The following FRMPD4 variants were observed in gnomAD, a reference collection of about 807,000 sequenced individuals.
FRMPD4 encodes the protein FERM and PDZ domain-containing protein 4.
FRMPD4 carries 22 observed loss-of-function variants against 94.1 expected under a neutral mutation model. The ratio of observed to expected loss-of-function variants is 0.23; its 90% CI spans 0.17 to 0.33. The LOEUF (loss-of-function observed/expected upper bound fraction) is 0.33. Among genes scored for constraint, FRMPD4 ranks in the 10% least tolerant of loss-of-function variants. The pLI, the probability that FRMPD4 is intolerant of heterozygous loss-of-function variation, is 1.00. For synonymous variants in FRMPD4, 631 were observed against 548.6 expected, an observed-to-expected ratio of 1.15 and a Z score of -2.10; for missense variants, 1,111 against 1,339.9, an observed-to-expected ratio of 0.83 and a Z score of 2.67.
chrX:12,445,219 T>A lies in FRMPD4; in HGVS notation c.42-53461T>A, dbSNP rs755104953. Reference sequence around the variant, plus strand: ...TCAACAGCATCACCTGGGAATTTGATAGAAATGAAAAACTGTAGGTCCCTC... The same window carrying A: ...TCAACAGCATCACCTGGGAATTTGAAAGAAATGAAAAACTGTAGGTCCCTC... On this transcript the variant is annotated intron_variant, in intron 1 of 16. Transcript: ENST00000675598. Among the ~76,000 whole-genome samples the A allele has an allele frequency of 1.7e-4, 19 of 112,115 alleles. No individual in the cohort carries two copies. The East Asian group carries it at 5.3e-3, about 31-fold the overall frequency.
At chrX:12,359,472 C>CTTT (rs34380413) in intron 1 of FRMPD4, among the ~76,000 whole-genome samples, 1 of 98,035 alleles carries the variant, frequency 1.0e-5, no homozygotes, top group African/African-American at 3.7e-5. Context: ...TTTCTTTTTT[C>CTTT]TTTTTTTTTT....
rs990305516 is a variant in FRMPD4, at chrX:11,908,497, T to C, written c.95+30479T>C. Among the ~76,000 whole-genome samples, 8 of 112,183 alleles carry C rather than the reference T, an allele frequency of 7.1e-5. No homozygotes were observed. The Admixed American group carries it at 7.5e-4, about 11-fold the overall frequency. On this transcript the variant is annotated intron_variant, in intron 3 of 18. Coordinates refer to the FRMPD4 transcript ENST00000640291. Reference sequence around the variant, plus strand: ...TCATCCCTTTTGTTTCCTACCAAATTTGCTAATTTGACTGGCGACACTTGT... The same window carrying C: ...TCATCCCTTTTGTTTCCTACCAAATCTGCTAATTTGACTGGCGACACTTGT...
chrX:12,006,005 A>T (rs982088842), intron 3 of FRMPD4, among the ~76,000 whole-genome samples: 1 of 93,486 alleles, frequency 1.1e-5, no homozygotes, highest in African/African-American at 3.7e-5. Context: ...TTCAGGCTTT[A>T]AAAAAAAAAT....
At position 12,721,883 on chromosome X, in the gene FRMPD4, C is replaced by T; in HGVS notation, c.*25C>T. The T allele has an allele frequency of 1.4e-6, 1 of 724,592 alleles. No homozygotes were observed. The allele number at this position is 724,592 out of a possible 1,213,427, so 59.7% of individuals were successfully genotyped here. On this transcript the variant is annotated 3_prime_UTR_variant, in exon 17 of 17. Coordinates refer to ENST00000675598, the MANE Select transcript of FRMPD4 (RefSeq NM_001368397.1). ...AATATGGAAGTCACGTCATAATCTA[C>T]CTTTGCAAAGCCATACATGAACTTT... is the stretch of plus-strand genomic sequence containing the variant.
chrX:12,707,118 C>T (rs935910524), intron 12 of FRMPD4, among the ~76,000 whole-genome samples: 1 of 110,503 alleles, frequency 9.0e-6, no homozygotes, highest in South Asian at 3.9e-4. Context: ...ATGTGAAGAA[C>T]CGAGAGAATC....
At chrX:12,498,658 C>CA in intron 1 of FRMPD4, 22 bp from the exon 2 acceptor site, 1 of 726,019 alleles carries the variant, frequency 1.4e-6, no homozygotes, top group East Asian at 3.8e-5. Context: ...TGTAATGATG[C>CA]TTTTTTTTTT....
At chrX:12,011,898 C>T (rs761786771) in intron 3 of FRMPD4, among the ~76,000 whole-genome samples, 16 of 106,193 alleles carry the variant, frequency 1.5e-4, no homozygotes, top group Non-Finnish European at 2.7e-4. Flanking sequence ...TCTTTCTTTA[C>T]GATCTGAATT....
chrX:11,825,134 C>CA (rs2147269013), intron 1 of FRMPD4, among the ~76,000 whole-genome samples: 1 of 105,903 alleles, frequency 9.4e-6, no homozygotes, highest in African/African-American at 3.5e-5. Flanking sequence ...TGAGGAAAAG[C>CA]AAAAGTACTT....
chrX:12,199,399 G>C (rs2897763), intron 1 of FRMPD4, among the ~76,000 whole-genome samples: 11,488 of 109,704 alleles, frequency 0.1, 526 homozygotes, highest in South Asian at 0.29. Context: ...CTTACAAAAG[G>C]CCTGAATAAA....
intron 1 of FRMPD4, among the ~76,000 whole-genome samples, chrX:12,254,261 T>A (rs976338656): frequency 8.9e-6 from 1 of 112,219 alleles, no homozygotes; most frequent in Admixed American, 9.4e-5. Context: ...GTGGATGTTG[T>A]TTCCTTTTAG....
intron 3 of FRMPD4, among the ~76,000 whole-genome samples, chrX:12,040,857 A>G (rs957126759): frequency 9.0e-6 from 1 of 110,514 alleles, no homozygotes; most frequent in African/African-American, 3.3e-5. Context: ...TGCTTTCTGC[A>G]TCTCTTTTTG....
intron 1 of FRMPD4, among the ~76,000 whole-genome samples, chrX:12,424,302 G>A: frequency 8.9e-6 from 1 of 112,594 alleles, no homozygotes; most frequent in Non-Finnish European, 1.9e-5. Flanking sequence ...CTTAGTCACT[G>A]TAATTCTAGT....
intron 1 of FRMPD4, among the ~76,000 whole-genome samples, chrX:12,470,375 CGACT>C (rs1010825247): frequency 1.8e-5 from 2 of 111,839 alleles, no homozygotes; most frequent in African/African-American, 6.5e-5. Context: ...ACAGTTACAG[CGACT>C]GATGAGCCCC....
At chrX:12,252,482 A>G (rs894064709) in intron 1 of FRMPD4, among the ~76,000 whole-genome samples, 11 of 112,351 alleles carry the variant, frequency 9.8e-5, no homozygotes, top group African/African-American at 3.6e-4. Context: ...ATAGTTCATG[A>G]AAAGTGCATT....
At chrX:12,415,210 A>G (rs965217122) in intron 1 of FRMPD4, among the ~76,000 whole-genome samples, 3 of 112,010 alleles carry the variant, frequency 2.7e-5, no homozygotes, top group Non-Finnish European at 3.8e-5. Flanking sequence ...CTTTGGAATC[A>G]TCGTGGAGGC....
At chrX:12,652,866 G>A (rs773574768) in intron 4 of FRMPD4, among the ~76,000 whole-genome samples, 27 of 111,911 alleles carry the variant, frequency 2.4e-4, no homozygotes, top group East Asian at 1.1e-3. Context: ...CTGGTACACC[G>A]TCACTTTCAC....
intron 1 of FRMPD4, among the ~76,000 whole-genome samples, chrX:12,476,708 G>GA (rs1314893667): frequency 1.8e-5 from 2 of 112,013 alleles, no homozygotes; most frequent in Non-Finnish European, 3.8e-5. Context: ...ACAGACACGT[G>GA]AAAAAATGCT....
chrX:12,412,633 C>T (rs1331619134), intron 1 of FRMPD4, among the ~76,000 whole-genome samples: 2 of 112,330 alleles, frequency 1.8e-5, no homozygotes, highest in Non-Finnish European at 3.8e-5. Flanking sequence ...TTGTGAGATT[C>T]TTAGGGCCAT....
intron 1 of FRMPD4, among the ~76,000 whole-genome samples, chrX:12,342,518 G>C (rs182846779): frequency 9.6e-4 from 107 of 111,886 alleles, no homozygotes; most frequent in Middle Eastern, 4.6e-3. Flanking sequence ...GGTGGGTGTG[G>C]TCTATTCTAG....
Sources: allele counts gnomAD v4.1 joint callset (sites outside exome capture counted in the v4.1 genomes callset), GRCh38; gene constraint gnomAD v4.1.1; transcripts MANE v1.5; gene names NCBI Gene and HGNC (gene_info 2026-07-23, HGNC 2026-07-21).